DOT1L: variants seen among roughly 807,000 people sequenced by gnomAD.
DOT1L encodes histone-lysine N-methyltransferase, H3 lysine-79 specific.
DOT1L carries 33 observed loss-of-function variants against 153.3 expected under a neutral mutation model. That is an observed-to-expected ratio of 0.22 (90% CI 0.16 to 0.29). The LOEUF (loss-of-function observed/expected upper bound fraction) is 0.29, where lower values mean the gene tolerates loss of function less well. Among genes scored for constraint, DOT1L ranks in the 10% least tolerant of loss-of-function variants. The probability of loss-of-function intolerance (pLI) is 1.00; values close to 1 mark genes in which losing one functional copy is unlikely to be tolerated. For missense variants in DOT1L, 1,847 were observed against 2,119.9 expected, an observed-to-expected ratio of 0.87 and a Z score of 2.53; for synonymous variants, 1,135 against 965.1, an observed-to-expected ratio of 1.18 and a Z score of -3.26.
chr19:2,216,237 G>T (rs1309225350), intron 19 of DOT1L, 44 bp from the exon 20 acceptor site: 7 of 1,525,550 alleles, frequency 4.6e-6, no homozygotes, highest in Non-Finnish European at 5.3e-6. Flanking sequence ...TCCCTGGAGT[G>T]GTCCCCCGGT....
Position 2,193,055 on chromosome 19 carries a change from A to G in DOT1L, c.494-634A>G, listed in dbSNP as rs1443474716. ...AGCAGGGGAGGAGAGGTGGCTTGAC[A>G]CCCCCGGTGTGCGCCGCTGCCTCCA... On this transcript the variant is annotated intron_variant, in intron 5 of 27. Coordinates refer to ENST00000398665, the MANE Select transcript of DOT1L (RefSeq NM_032482.3). This position sits in a 1 kb window ranked among gnomAD's most constrained non-coding sequence, Gnocchi z 5.9. Among the ~76,000 whole-genome samples, 13 of 151,716 alleles carry G rather than the reference A, an allele frequency of 8.6e-5. 1 individual carries two copies.
intron 25 of DOT1L, among the ~76,000 whole-genome samples, chr19:2,224,561 G>C: frequency 6.6e-6 from 1 of 151,692 alleles, no homozygotes; most frequent in Non-Finnish European, 1.5e-5. Context: ...CCGCCTCCTG[G>C]GTTCAAGTGA....
Position 2,226,423 on chromosome 19 carries a change from CG to C in DOT1L, c.3907del (p.Ala1303LeufsTer24). 1 of 1,600,362 alleles carries C rather than the reference CG, an allele frequency of 6.2e-7. No individual in the cohort carries two copies. Reference sequence around the variant, plus strand: ...AGGAAAGGCTTTCCCGGCTCCCTGTCGGGGGCTGACGGACTCAGCCCGGGCA... The same window carrying C: ...AGGAAAGGCTTTCCCGGCTCCCTGTCGGGGCTGACGGACTCAGCCCGGGCA... ...HPRKGFPGSL[S>X]GADGLSPGTN... On this transcript the variant is annotated frameshift_variant, in exon 27 of 28. Transcript: ENST00000398665. LOFTEE classifies it high-confidence loss of function.
In DOT1L at chr19:2,194,586, C is replaced by T; in HGVS notation, c.651+9C>T. ...AGCATGCAGAATACACAGTGAGTGCCATCGCTCCGCCCCGGCTCCCATCGC... is the reference window on the plus strand; with the variant it reads ...AGCATGCAGAATACACAGTGAGTGCTATCGCTCCGCCCCGGCTCCCATCGC... On this transcript the variant is annotated intron_variant, in intron 7 of 27. Transcript: ENST00000398665. 6.2e-7 allele frequency: 1 copy of T among 1,610,442 alleles called. No individual in the cohort carries two copies. The highest frequency in any genetic ancestry group is 8.5e-7 in the Non-Finnish European group (1 of 1,179,826).
intron 3 of DOT1L, chr19:2,188,051 C>T (rs2022617631): frequency 6.6e-6 from 1 of 152,256 alleles, no homozygotes; most frequent in South Asian, 2.1e-4. Context: ...CCTGCTGGCC[C>T]TCTGCACCAC....
intron 1 of DOT1L, among the ~76,000 whole-genome samples, chr19:2,176,245 A>C (rs1297147387): frequency 6.6e-6 from 1 of 151,986 alleles, no homozygotes; most frequent in African/African-American, 2.4e-5. Flanking sequence ...AGCATCCCAC[A>C]CCACAAGGCA....
At chr19:2,166,561 G>C (rs1345644976) in intron 1 of DOT1L, among the ~76,000 whole-genome samples, 1 of 152,090 alleles carries the variant, frequency 6.6e-6, no homozygotes, top group Non-Finnish European at 1.5e-5. Flanking sequence ...ACTGGCATGA[G>C]CCACCACGTC....
Position 2,200,012 on chromosome 19 carries a change from G to A in DOT1L, c.707+73G>A, listed in dbSNP as rs972528268. 10 of 1,571,494 alleles carry A rather than the reference G, an allele frequency of 6.4e-6. No individual in the cohort carries two copies. In the African/African-American group the frequency reaches 1.2e-4, roughly 19 times the overall value. ...GGCGGGCGGTGGCCATGGCACCGGG[G>A]ACCGGGAGCGGCCCCTCGCTCCTGT... On this transcript the variant is annotated intron_variant, in intron 8 of 27. Transcript: ENST00000398665.
At position 2,210,487 on chromosome 19, in the gene DOT1L, G is replaced by A. The variant is rs1466950976; in HGVS notation, c.1093G>A (p.Ala365Thr). 5 of 1,592,138 alleles carry A rather than the reference G, an allele frequency of 3.1e-6. No individual in the cohort carries two copies. Among genetic ancestry groups the A allele is most frequent in the Non-Finnish European group, 4.3e-6 (5 of 1,171,246 alleles). Residue 365 changes from alanine to threonine, a missense_variant, in exon 13 of 28, where the codon GCC becomes ACC. By Grantham distance (58) the Ala-to-Thr change is moderately conservative. Transcript: ENST00000398665. ...CACTAAGGGCCCAGAGGGCAAGGTG[G>A]CCGGCCCCGCCGACGCCCCCATGGT... The part of the protein sequence containing the change: ...TPTKGPEGKV[A>T]GPADAPMDSG...
intron 12 of DOT1L, among the ~76,000 whole-genome samples, chr19:2,209,708 C>T (rs764428386): frequency 6.6e-5 from 10 of 152,250 alleles, no homozygotes; most frequent in Non-Finnish European, 1.2e-4. Flanking sequence ...GATGTTTGTC[C>T]GGGCGTCCTT....
intron 27 of DOT1L, chr19:2,227,558 G>GA (rs1262764793): frequency 2.2e-5 from 15 of 671,046 alleles, no homozygotes; most frequent in Non-Finnish European, 2.6e-5. Context: ...TGCGGGGCGG[G>GA]GGGCCGGAGG....
intron 1 of DOT1L, among the ~76,000 whole-genome samples, chr19:2,177,049 G>A (rs941909743): frequency 6.6e-6 from 1 of 152,194 alleles, no homozygotes; most frequent in African/African-American, 2.4e-5. Flanking sequence ...CTTCAGATGC[G>A]TAGAACCCAG....
Position 2,232,485 on chromosome 19 carries a change from G to A in DOT1L, c.*2693G>A, listed in dbSNP as rs1404747983. 1 of 222,282 alleles carries A rather than the reference G, an allele frequency of 4.5e-6. No individual in the cohort carries two copies. The highest frequency in any genetic ancestry group is 9.0e-6 in the Non-Finnish European group (1 of 111,156). 13.8% of individuals were successfully genotyped at this position (222,282 alleles called of 1,614,324 possible). On this transcript the variant is annotated 3_prime_UTR_variant, in exon 28 of 28. Transcript: ENST00000398665. ...TGGATTGCGCGCATTGTCACGGTCC[G>A]CCCCTGGGCTGCAGGCGCCCCTTCC...
intron 8 of DOT1L, among the ~76,000 whole-genome samples, chr19:2,201,486 G>A (rs113655406): frequency 3.0e-4 from 45 of 152,330 alleles, no homozygotes; most frequent in African/African-American, 9.9e-4. Flanking sequence ...TGTCCCCCAT[G>A]GGCAGGGTTT....
chr19:2,193,847 G>A lies in DOT1L; in HGVS notation c.588+64G>A, dbSNP rs1400526652. 6.5e-7 allele frequency: 1 copy of A among 1,541,082 alleles called. No homozygotes were observed. Among genetic ancestry groups the A allele is most frequent in the African/African-American group, 1.4e-5 (1 of 73,850 alleles). On this transcript the variant is annotated intron_variant, in intron 6 of 27. Coordinates refer to ENST00000398665, the MANE Select transcript of DOT1L (RefSeq NM_032482.3). The surrounding 1 kb of genome is among the most constrained non-coding windows in gnomAD (Gnocchi z 5.9). ...GGACCATCAGAGAAAGTGACGCCCT[G>A]GGTGCCTGCACCCCACTGCTGTGGG...
At chr19:2,202,810 G>A (rs1302663476) in intron 9 of DOT1L, 31 bp downstream of exon 9, 2 of 1,612,988 alleles carry the variant, frequency 1.2e-6, no homozygotes, top group Non-Finnish European at 1.7e-6. Context: ...GTCTGTGCTG[G>A]TGTGACATGA....
In DOT1L at chr19:2,210,494, C is replaced by T; in HGVS notation, c.1100C>T (p.Pro367Leu). ...TKGPEGKVAG[P>L]ADAPMDSGAE... Reference sequence around the variant, plus strand: ...GGCCCAGAGGGCAAGGTGGCCGGCCCCGCCGACGCCCCCATGGTAAGGCCC... The same window carrying T: ...GGCCCAGAGGGCAAGGTGGCCGGCCTCGCCGACGCCCCCATGGTAAGGCCC... The change falls in exon 13 of 28, where the codon CCC becomes CTC. Residue 367 changes from proline (P) to leucine (L), a missense_variant. This residue lies in a region of DOT1L where 205 missense variants were observed against 203.1 expected (regional missense o/e 1.01). Transcript: ENST00000398665. 1 of 1,593,828 alleles carries T rather than the reference C, an allele frequency of 6.3e-7. No homozygotes were observed.
At chr19:2,177,197 C>T (rs963438930) in intron 1 of DOT1L, among the ~76,000 whole-genome samples, 1 of 152,216 alleles carries the variant, frequency 6.6e-6, no homozygotes, top group African/African-American at 2.4e-5. Context: ...GGGCACCCGA[C>T]ATGTGGCTGG....
At chr19:2,195,972 C>T (rs1001804961) in intron 7 of DOT1L, among the ~76,000 whole-genome samples, 3 of 152,240 alleles carry the variant, frequency 2.0e-5, no homozygotes, top group Non-Finnish European at 4.4e-5. Context: ...CAGCAGGGTG[C>T]GTGGAGGCGT....
Sources: gnomAD v4.1 joint callset for allele counts (sites outside exome capture counted in the v4.1 genomes callset) on GRCh38, gnomAD v4.1.1 for gene constraint, gnomAD v4.1.1 regional missense constraint, Gnocchi (gnomAD v3.1) non-coding constraint, MANE v1.5 for transcripts, NCBI Gene and HGNC (gene_info 2026-07-23, HGNC 2026-07-21) for gene names.